The following STAU2 variants were observed in gnomAD, a reference collection of about 807,000 sequenced individuals.
STAU2 encodes double-stranded RNA-binding protein Staufen homolog 2.
Under a neutral mutation model 65.9 loss-of-function variants are expected in STAU2, and 20 were observed. That is an observed-to-expected ratio of 0.30 (90% CI 0.21 to 0.44). STAU2 has a LOEUF of 0.44. STAU2 is among the 20% of genes least tolerant of loss of function. STAU2 has a pLI of 1.00. For missense variants in STAU2, 558 were observed against 683.9 expected (o/e 0.82, Z 2.05); for synonymous variants, 232 against 233.9 (o/e 0.99, Z 0.07).
chr8:73,745,187 A>G (rs559659112), intron 1 of STAU2, among the ~76,000 whole-genome samples: 4 of 152,250 alleles, frequency 2.6e-5, no homozygotes, highest in Non-Finnish European at 5.9e-5. Context: ...ACTGCTTCGC[A>G]AATTTAATAC....
At chr8:73,725,841 G>A (rs1234633409) in intron 3 of STAU2, among the ~76,000 whole-genome samples, 1 of 152,140 alleles carries the variant, frequency 6.6e-6, no homozygotes, top group Non-Finnish European at 1.5e-5. Context: ...GCTGAGGTGG[G>A]AGGACTGCTT....
At chr8:73,578,996 A>G (rs1317113133) in intron 12 of STAU2, among the ~76,000 whole-genome samples, 52 of 116,464 alleles carry the variant, frequency 4.5e-4, no homozygotes, top group African/African-American at 1.6e-3. Flanking sequence ...CACCCCCCCA[A>G]AAAAACCAAA....
At chr8:73,425,079 G>A (rs1816698729) in intron 13 of STAU2, among the ~76,000 whole-genome samples, 1 of 152,148 alleles carries the variant, frequency 6.6e-6, no homozygotes, top group Non-Finnish European at 1.5e-5. Flanking sequence ...AGTGGGGTGG[G>A]AGCTGTGTGG....
intron 13 of STAU2, among the ~76,000 whole-genome samples, chr8:73,535,292 C>T (rs1030993062): frequency 2.6e-5 from 4 of 152,160 alleles, no homozygotes; most frequent in African/African-American, 9.7e-5. Context: ...GCCTCAGCCT[C>T]CCAAGTAACT....
rs1367003889 is a variant in STAU2 at position 73,717,613 on chromosome 8, T to C, written c.-17-8451A>G. 2.8e-5 allele frequency among the ~76,000 whole-genome samples: 4 copies of C among 142,794 alleles called. No individual in the cohort carries two copies. In the South Asian group the frequency reaches 6.7e-4, roughly 24 times the overall value. The allele number at this position is 142,794 out of a possible 152,430, so 93.7% of individuals were successfully genotyped here. A position where few individuals can be genotyped will look rare whatever the true frequency, so the allele number is the denominator to read the frequency against. On this transcript the variant is annotated intron_variant, in intron 3 of 14. Coordinates refer to ENST00000524300, the MANE Select transcript of STAU2 (RefSeq NM_001164380.2). ...ACTACCAATTCTGTTTCCACTGATC[T>C]ATTTGTCTTTTGTTGTTGTTGTTGT...
At chr8:73,475,605 A>G (rs1820278212) in intron 13 of STAU2, among the ~76,000 whole-genome samples, 1 of 152,240 alleles carries the variant, frequency 6.6e-6, no homozygotes, top group Non-Finnish European at 1.5e-5. Flanking sequence ...ATCATCTATA[A>G]AAACGGTCTA....
chr8:73,579,300 G>A (rs1416218874), intron 12 of STAU2, among the ~76,000 whole-genome samples: 1 of 152,128 alleles, frequency 6.6e-6, no homozygotes, highest in African/African-American at 2.4e-5. Flanking sequence ...AAAGGTTAAC[G>A]GAAAAATATT....
At chr8:73,469,211 A>C (rs185352928) in intron 13 of STAU2, among the ~76,000 whole-genome samples, 2 of 152,278 alleles carry the variant, frequency 1.3e-5, no homozygotes, top group Non-Finnish European at 2.9e-5. Context: ...AAGGACAAAA[A>C]ATCAAACACC....
intron 13 of STAU2, among the ~76,000 whole-genome samples, chr8:73,459,113 A>G (rs1819216555): frequency 1.3e-5 from 2 of 152,148 alleles, no homozygotes; most frequent in Non-Finnish European, 2.9e-5. Context: ...TCCTATATTC[A>G]TTTTTCTTTA....
chr8:73,530,203 AT>A (rs780091547), intron 13 of STAU2, among the ~76,000 whole-genome samples: 51 of 152,166 alleles, frequency 3.4e-4, no homozygotes, highest in African/African-American at 6.8e-4. Flanking sequence ...TGACAAAAAA[AT>A]AATCTCTATA....
intron 6 of STAU2, among the ~76,000 whole-genome samples, chr8:73,624,693 C>G (rs759521023): frequency 6.6e-6 from 1 of 152,178 alleles, no homozygotes; most frequent in Non-Finnish European, 1.5e-5. Context: ...CATGCTGCCT[C>G]TGAATGAACT....
intron 14 of STAU2, 46 bp downstream of exon 14, chr8:73,422,568 C>G (rs958388672): frequency 4.7e-5 from 64 of 1,374,124 alleles, no homozygotes; most frequent in Middle Eastern, 1.9e-4. Context: ...ATCTTTTGTA[C>G]AGTTACAATT....
chr8:73,512,014 C>T (rs1219069931), intron 13 of STAU2, among the ~76,000 whole-genome samples: 2 of 152,034 alleles, frequency 1.3e-5, no homozygotes, highest in Non-Finnish European at 2.9e-5. Context: ...AAATGTTATT[C>T]TTTCCTGATT....
At position 73,578,452 on chromosome 8, in the gene STAU2, C is replaced by G. The variant is rs530179734; in HGVS notation, c.1222+4318G>C. On this transcript the variant is annotated intron_variant, in intron 12 of 14. Coordinates refer to ENST00000524300, the MANE Select transcript of STAU2 (RefSeq NM_001164380.2). ...ATTTTTTAAAGACTATAGCTTCTCA[C>G]CACTCAGGTAGGTCTAATATACAGT... 6.3e-4 allele frequency among the ~76,000 whole-genome samples: 96 copies of G among 152,238 alleles called. 1 individual carries two copies. Among genetic ancestry groups the G allele is most frequent in the Non-Finnish European group, 1.1e-3 (74 of 68,014 alleles).
At chr8:73,639,659 T>C (rs1459782318) in intron 6 of STAU2, among the ~76,000 whole-genome samples, 1 of 152,146 alleles carries the variant, frequency 6.6e-6, no homozygotes. Flanking sequence ...TAGAGGCTCC[T>C]ACATATTTAA....
chr8:73,530,983 C>T (rs1419000170), intron 13 of STAU2, among the ~76,000 whole-genome samples: 1 of 152,136 alleles, frequency 6.6e-6, no homozygotes, highest in African/African-American at 2.4e-5. Flanking sequence ...ACAATGGAGG[C>T]CACCAGGAGT....
rs1816331588 is a variant in STAU2, at chr8:73,420,785, A to C, written c.*587T>G. The C allele has an allele frequency of 6.4e-6, 1 of 155,776 alleles. No homozygotes were observed. The highest frequency in any genetic ancestry group is 1.4e-5 in the Non-Finnish European group (1 of 70,114). The allele number at this position is 155,776 out of a possible 1,614,324, so 9.6% of individuals were successfully genotyped here. A position where few individuals can be genotyped will look rare whatever the true frequency, so the allele number is the denominator to read the frequency against. ...TTTCATCAGATATCTGACCTGATTTAAAACATGTTTGTTTGCATACATCTT... is the reference window on the plus strand; with the variant it reads ...TTTCATCAGATATCTGACCTGATTTCAAACATGTTTGTTTGCATACATCTT... On this transcript the variant is annotated 3_prime_UTR_variant, in exon 15 of 15. Transcript: ENST00000524300.
intron 5 of STAU2, among the ~76,000 whole-genome samples, chr8:73,687,374 TA>T (rs1267992501): frequency 7.6e-5 from 5 of 65,850 alleles, no homozygotes; most frequent in South Asian, 4.6e-4. Flanking sequence ...ATATAATTTA[TA>T]ATTTATATTT....
intron 13 of STAU2, among the ~76,000 whole-genome samples, chr8:73,493,856 A>G (rs1380639147): frequency 1.3e-5 from 2 of 151,862 alleles, no homozygotes. Flanking sequence ...ATCAAAAGGA[A>G]AATGAACAAA....
Sources: gnomAD v4.1 joint callset for allele counts (sites outside exome capture counted in the v4.1 genomes callset) on GRCh38, gnomAD v4.1.1 for gene constraint, MANE v1.5 for transcripts, NCBI Gene and HGNC (gene_info 2026-07-23, HGNC 2026-07-21) for gene names.